B3GNT3: variants seen among roughly 807,000 people sequenced by gnomAD.
The protein encoded by B3GNT3 is N-acetyllactosaminide beta-1,3-N-acetylglucosaminyltransferase 3.
In B3GNT3, 7 loss-of-function variants were observed where a neutral mutation model predicts 11.6. The ratio of observed to expected loss-of-function variants is 0.60; its 90% CI spans 0.34 to 1.13. The LOEUF is 1.13. B3GNT3 is among the 50% of genes most tolerant of loss of function. The probability of loss-of-function intolerance (pLI) is 0.03; values close to 1 mark genes in which losing one functional copy is unlikely to be tolerated. For synonymous variants in B3GNT3, 201 were observed against 222.1 expected (o/e 0.90, Z 0.85); for missense variants, 400 against 507.4 (o/e 0.79, Z 2.03).
chr19:17,808,517 C>T (rs1480977688), intron 2 of B3GNT3, 143 bp downstream of exon 2: 7 of 879,678 alleles, frequency 8.0e-6, no homozygotes, highest in East Asian at 2.7e-5. Context: ...TCACCAGCCT[C>T]GTGGAGACCC....
In B3GNT3 at chr19:17,808,020, G is replaced by A. The variant is rs760234531; in HGVS notation, c.213G>A (p.Pro71=). ...CCAACACCTCTATGGTCACCCACCCGGACTTCGCCACGCAGCCGCAGCACG... is the reference window on the plus strand; with the variant it reads ...CCAACACCTCTATGGTCACCCACCCAGACTTCGCCACGCAGCCGCAGCACG... ...CHANTSMVTH[P]DFATQPQHVQ... The change falls in exon 2 of 3, where the codon CCG becomes CCA. Residue 71 remains proline (P), a synonymous_variant. Transcript: ENST00000318683. 2.3e-6 allele frequency: 3 copies of A among 1,310,438 alleles called. No individual in the cohort carries two copies. The highest frequency in any genetic ancestry group is 4.6e-5 in the Admixed American group (2 of 43,628). The allele number at this position is 1,310,438 out of a possible 1,614,324, so 81.2% of individuals were successfully genotyped here.
chr19:17,797,561 G>T (rs377687589), intron 1 of B3GNT3, among the ~76,000 whole-genome samples: 50 of 152,226 alleles, frequency 3.3e-4, no homozygotes, highest in East Asian at 2.3e-3. Flanking sequence ...TCACATAGGT[G>T]CCCCAGGCAG....
At chr19:17,803,467 T>C (rs1006235121) in intron 1 of B3GNT3, among the ~76,000 whole-genome samples, 7 of 152,080 alleles carry the variant, frequency 4.6e-5, no homozygotes, top group African/African-American at 1.7e-4. Context: ...TTTGAGGAAG[T>C]GGGTTCTGGA....
chr19:17,813,245 G>A lies in B3GNT3; in HGVS notation c.*1123G>A, dbSNP rs776261105. Reference sequence around the variant, plus strand: ...AGCACATTGGGAGACCAAAGTGGGAGGATCACTTGAGCCCAGGAGTTCTGG... The same window carrying A: ...AGCACATTGGGAGACCAAAGTGGGAAGATCACTTGAGCCCAGGAGTTCTGG... On this transcript the variant is annotated 3_prime_UTR_variant, in exon 3 of 3. Coordinates refer to ENST00000318683, the MANE Select transcript of B3GNT3 (RefSeq NM_014256.4). Among the ~76,000 whole-genome samples the A allele has an allele frequency of 2.0e-5, 3 of 152,070 alleles. No homozygotes were observed. The highest frequency in any genetic ancestry group is 2.9e-5 in the Non-Finnish European group (2 of 67,992).
chr19:17,807,478 CAAGA>C (rs1411033647), intron 1 of B3GNT3, among the ~76,000 whole-genome samples: 18 of 134,486 alleles, frequency 1.3e-4, no homozygotes, highest in African/African-American at 1.9e-4. Context: ...GGCAACAGAA[CAAGA>C]GAGAGAGAGA....
chr19:17,808,421 T>A (rs774865645), intron 2 of B3GNT3, 47 bp downstream of exon 2: 1 of 1,539,364 alleles, frequency 6.5e-7, no homozygotes, highest in South Asian at 1.2e-5. Context: ...GTCCTTCTTG[T>A]CCAAATTACC....
rs2038632368 is a variant in B3GNT3 at position 17,795,214 on chromosome 19, T to C, written c.-51+8T>C. Reference sequence around the variant, plus strand: ...CGGGACTGTCGTCTGGGGGTGAGTGTCGGCAGCCCCCGGAGGATCTGGCGG... The same window carrying C: ...CGGGACTGTCGTCTGGGGGTGAGTGCCGGCAGCCCCCGGAGGATCTGGCGG... On this transcript the variant is annotated splice_region_variant and intron_variant, in intron 1 of 2. Coordinates refer to ENST00000318683, the MANE Select transcript of B3GNT3 (RefSeq NM_014256.4). 6.6e-6 allele frequency: 1 copy of C among 151,982 alleles called. No homozygotes were observed. The highest frequency in any genetic ancestry group is 2.4e-5 in the African/African-American group (1 of 41,314). 9.4% of individuals were successfully genotyped at this position (151,982 alleles called of 1,614,324 possible).
rs1184865851 is a variant in B3GNT3 at position 17,813,134 on chromosome 19, A to AT, written c.*1014dup. ...TACAAGTTTCAACAGACAAGTCCAC[A>AT]TTCATCCCTAAAAGTCTCATTTTCC... On this transcript the variant is annotated 3_prime_UTR_variant, in exon 3 of 3. Coordinates refer to ENST00000318683, the MANE Select transcript of B3GNT3 (RefSeq NM_014256.4). 4.6e-5 allele frequency: 7 copies of AT among 151,658 alleles called. No homozygotes were observed. The highest frequency in any genetic ancestry group is 8.8e-5 in the Non-Finnish European group (6 of 67,946). The allele number at this position is 151,658 out of a possible 1,614,324, so 9.4% of individuals were successfully genotyped here.
rs199859428 is a variant in B3GNT3 at position 17,808,086 on chromosome 19, C to A, written c.279C>A (p.Pro93=). 16 of 1,613,928 alleles carry A rather than the reference C, an allele frequency of 9.9e-6. No homozygotes were observed. The highest frequency in any genetic ancestry group is 3.3e-4 in the Middle Eastern group (2 of 6,062). The change falls in exon 2 of 3, where the codon CCC becomes CCA. Residue 93 remains proline, a synonymous_variant. Coordinates refer to ENST00000318683, the MANE Select transcript of B3GNT3 (RefSeq NM_014256.4). ...FLLYRHCRHF[P]LLQDVPPSKC... ...TGTACAGACACTGCCGCCACTTTCC[C>A]CTGCTGCAGGACGTGCCCCCCTCTA...
Position 17,811,804 on chromosome 19 carries a change from T to C in B3GNT3, c.801T>C (p.Tyr267=), listed in dbSNP as rs954994035. The C allele has an allele frequency of 6.2e-7, 1 of 1,614,208 alleles. No homozygotes were observed. Among genetic ancestry groups the C allele is most frequent in the Non-Finnish European group, 8.5e-7 (1 of 1,180,038 alleles). The change falls in exon 3 of 3, where the codon TAT becomes TAC. Residue 267 remains tyrosine, a synonymous_variant. Transcript: ENST00000318683. The surrounding 1 kb of genome is among the most constrained non-coding windows in gnomAD (Gnocchi z 4.1). ...CTCAGAATGAGCGGTACCCACCCTATTGTGGGGGTGGTGGCTTCTTGCTGT... is the reference window on the plus strand; with the variant it reads ...CTCAGAATGAGCGGTACCCACCCTACTGTGGGGGTGGTGGCTTCTTGCTGT... The part of the protein sequence containing the change: ...VVTQNERYPP[Y]CGGGGFLLSR...
intron 1 of B3GNT3, among the ~76,000 whole-genome samples, chr19:17,802,081 C>T (rs2094166958): frequency 6.7e-6 from 1 of 149,884 alleles, no homozygotes; most frequent in African/African-American, 2.5e-5. Context: ...TAGCAAGATT[C>T]TGTCTCCAAA....
intron 1 of B3GNT3, among the ~76,000 whole-genome samples, chr19:17,798,964 T>A (rs973961776): frequency 2.6e-5 from 4 of 151,910 alleles, no homozygotes; most frequent in African/African-American, 9.7e-5. Context: ...CAGAGCAAGA[T>A]CCTGTCTCAA....
chr19:17,800,784 T>C (rs1464567249), intron 1 of B3GNT3, among the ~76,000 whole-genome samples: 3 of 151,792 alleles, frequency 2.0e-5, no homozygotes, highest in Non-Finnish European at 4.4e-5. Flanking sequence ...CTGGCCAACA[T>C]GGTGAAACTC....
In B3GNT3 at chr19:17,795,790, G is replaced by A. The variant is rs112735838; in HGVS notation, c.-51+584G>A. Among the ~76,000 whole-genome samples, 1,129 of 152,270 alleles carry A rather than the reference G, an allele frequency of 7.4e-3. 16 individuals carry two copies. The highest frequency in any genetic ancestry group is 0.025 in the African/African-American group (1,045 of 41,548). Reference sequence around the variant, plus strand: ...CAGCTGGGATGAGGATGCCCGAAGCGTTTAGTCAAAGGAAATTTTTGTGAT... The same window carrying A: ...CAGCTGGGATGAGGATGCCCGAAGCATTTAGTCAAAGGAAATTTTTGTGAT... On this transcript the variant is annotated intron_variant, in intron 1 of 2. Coordinates refer to ENST00000318683, the MANE Select transcript of B3GNT3 (RefSeq NM_014256.4).
chr19:17,808,487 A>C, intron 2 of B3GNT3, 113 bp downstream of exon 2: 1 of 1,129,432 alleles, frequency 8.9e-7, no homozygotes, highest in Non-Finnish European at 1.2e-6. Context: ...ATCACAGCCC[A>C]TTCTGCCCCT....
At chr19:17,802,772 G>C (rs573174233) in intron 1 of B3GNT3, among the ~76,000 whole-genome samples, 1 of 151,842 alleles carries the variant, frequency 6.6e-6, no homozygotes, top group East Asian at 2.0e-4. Flanking sequence ...CCACTTCCAG[G>C]GCTCAAGTGA....
intron 1 of B3GNT3, among the ~76,000 whole-genome samples, chr19:17,805,144 G>T (rs1358591880): frequency 7.0e-6 from 1 of 143,822 alleles, no homozygotes; most frequent in Non-Finnish European, 1.5e-5. Flanking sequence ...TCTCTCTGTT[G>T]CCCAGGCTGG....
At chr19:17,810,742 G>A (rs1462801461) in intron 2 of B3GNT3, among the ~76,000 whole-genome samples, 3 of 151,814 alleles carry the variant, frequency 2.0e-5, no homozygotes, top group South Asian at 2.1e-4. Context: ...TTAGCCAGGT[G>A]TGGTGGTGCA....
At chr19:17,800,229 G>T (rs747918273) in intron 1 of B3GNT3, among the ~76,000 whole-genome samples, 5 of 152,146 alleles carry the variant, frequency 3.3e-5, no homozygotes, top group Non-Finnish European at 7.4e-5. Flanking sequence ...ACAAAAATTA[G>T]CTGGGTGTGG....
Sources: allele counts gnomAD v4.1 joint callset (sites outside exome capture counted in the v4.1 genomes callset), GRCh38; gene constraint gnomAD v4.1.1; non-coding constraint Gnocchi (gnomAD v3.1); transcripts MANE v1.5; gene names NCBI Gene and HGNC (gene_info 2026-07-23, HGNC 2026-07-21).